Variants in GALNT17 observed in about 807,000 individuals in gnomAD.
GALNT17 encodes the protein UDP-GalNAc:polypeptide N-acetylgalactosaminyltransferase-like 3.
A neutral mutation model predicts 63.7 loss-of-function variants in GALNT17; 29 were observed. The observed-to-expected ratio is 0.46, with a 90% CI of 0.34 to 0.62. The LOEUF (loss-of-function observed/expected upper bound fraction) is 0.62, where lower values mean the gene tolerates loss of function less well. Among genes scored for constraint, GALNT17 ranks in the 20% least tolerant of loss-of-function variants. GALNT17 has a pLI of 0.01. For missense variants in GALNT17, 603 were observed against 799.6 expected (o/e 0.75, Z 2.97); for synonymous variants, 305 against 318.3 (o/e 0.96, Z 0.45).
intron 6 of GALNT17, among the ~76,000 whole-genome samples, chr7:71,611,336 A>G (rs1790121968): frequency 6.6e-6 from 1 of 151,870 alleles, no homozygotes; most frequent in Non-Finnish European, 1.5e-5. Flanking sequence ...CATCCAACTC[A>G]CTGGATTTTA....
chr7:71,452,227 A>T (rs1787275101), intron 5 of GALNT17, among the ~76,000 whole-genome samples: 1 of 151,380 alleles, frequency 6.6e-6, no homozygotes, highest in Non-Finnish European at 1.5e-5. Flanking sequence ...TGGGTGACAG[A>T]GTGAGGCTCT....
intron 1 of GALNT17, among the ~76,000 whole-genome samples, chr7:71,276,711 C>A (rs1448527559): frequency 6.6e-6 from 1 of 152,126 alleles, no homozygotes; most frequent in Non-Finnish European, 1.5e-5. Context: ...ATAAATTACC[C>A]AGTCGGCCGG....
At chr7:71,602,094 C>T (rs900924674) in intron 6 of GALNT17, among the ~76,000 whole-genome samples, 6 of 152,194 alleles carry the variant, frequency 3.9e-5, no homozygotes, top group Admixed American at 2.0e-4. Flanking sequence ...CGACTTCCCC[C>T]GGGGCCTGTC....
chr7:71,158,040 A>G (rs945640214), intron 1 of GALNT17, among the ~76,000 whole-genome samples: 7 of 151,758 alleles, frequency 4.6e-5, no homozygotes, highest in African/African-American at 1.7e-4. Flanking sequence ...ATGAGTACTT[A>G]GGTTGATTCC....
intron 6 of GALNT17, among the ~76,000 whole-genome samples, chr7:71,617,617 TTTGTTTG>T (rs1335343138): frequency 3.8e-4 from 1 of 2,666 alleles, no homozygotes; most frequent in East Asian, 8.1e-3. Context: ...ACTGGCTGCT[TTTGTTTG>T]TTTGTTTGTT....
intron 5 of GALNT17, among the ~76,000 whole-genome samples, chr7:71,454,744 G>A (rs1304814900): frequency 6.6e-6 from 1 of 152,120 alleles, no homozygotes; most frequent in African/African-American, 2.4e-5. Context: ...GTACAAAAAT[G>A]GCAGTGTTAG....
At chr7:71,172,904 CTG>C (rs1349709243) in intron 1 of GALNT17, among the ~76,000 whole-genome samples, 1 of 152,100 alleles carries the variant, frequency 6.6e-6, no homozygotes, top group Non-Finnish European at 1.5e-5. Context: ...AGAAGAGAGA[CTG>C]TGGAAGAACT....
At chr7:71,439,544 C>T (rs1353058868) in intron 5 of GALNT17, among the ~76,000 whole-genome samples, 1 of 152,182 alleles carries the variant, frequency 6.6e-6, no homozygotes, top group Non-Finnish European at 1.5e-5. Flanking sequence ...CTCCATCAAC[C>T]GACATGCACT....
chr7:71,328,646 T>C (rs1456835822), intron 1 of GALNT17, among the ~76,000 whole-genome samples: 1 of 119,050 alleles, frequency 8.4e-6, no homozygotes, highest in Non-Finnish European at 1.8e-5. Context: ...AAAATACCAG[T>C]GATTTTTTTT....
At chr7:71,209,788 C>T (rs1585883430) in intron 1 of GALNT17, among the ~76,000 whole-genome samples, 1 of 152,126 alleles carries the variant, frequency 6.6e-6, no homozygotes, top group African/African-American at 2.4e-5. Flanking sequence ...AACAGTTCCA[C>T]ATATCTGGAG....
chr7:71,252,896 T>A (rs1454119728), intron 1 of GALNT17, among the ~76,000 whole-genome samples: 1 of 152,188 alleles, frequency 6.6e-6, no homozygotes, highest in Non-Finnish European at 1.5e-5. Flanking sequence ...TTCTATTGAG[T>A]TTCACCCTGA....
intron 2 of GALNT17, among the ~76,000 whole-genome samples, chr7:71,366,859 G>A (rs1205362383): frequency 6.6e-6 from 1 of 152,070 alleles, no homozygotes; most frequent in Non-Finnish European, 1.5e-5. Context: ...CAACCTGAAG[G>A]CTAAAAAAAT....
In GALNT17 at chr7:71,619,680, A is replaced by G. The variant is rs182416458; in HGVS notation, c.1081-45731A>G. Among the ~76,000 whole-genome samples the G allele has an allele frequency of 1.1e-3, 163 of 152,336 alleles. 4 individuals are homozygous for G. Among genetic ancestry groups the G allele is most frequent in the Admixed American group, 7.0e-3 (107 of 15,294 alleles). On this transcript the variant is annotated intron_variant, in intron 6 of 10. Transcript: ENST00000333538. Reference sequence around the variant, plus strand: ...TTTACTTAAGTCGTTTATCAACTCAAGGAGCCTTTTGGCAGAGTCTTTAGG... The same window carrying G: ...TTTACTTAAGTCGTTTATCAACTCAGGGAGCCTTTTGGCAGAGTCTTTAGG...
intron 5 of GALNT17, among the ~76,000 whole-genome samples, chr7:71,459,689 T>C (rs184294269): frequency 2.6e-5 from 4 of 152,138 alleles, no homozygotes; most frequent in Admixed American, 2.6e-4. Flanking sequence ...AAGCCATTCA[T>C]TGTGGGGGGG....
At chr7:71,253,130 C>G (rs185244659) in intron 1 of GALNT17, among the ~76,000 whole-genome samples, 1 of 152,184 alleles carries the variant, frequency 6.6e-6, no homozygotes, top group African/African-American at 2.4e-5. Context: ...ATGAATGCAA[C>G]CACGTACCTC....
Position 71,416,148 on chromosome 7 carries a change from C to G in GALNT17, c.764+85C>G, listed in dbSNP as rs1793522644. 3 of 1,452,150 alleles carry G rather than the reference C, an allele frequency of 2.1e-6. No homozygotes were observed. In the South Asian group the frequency reaches 4.3e-5, roughly 21 times the overall value. 90.0% of individuals were successfully genotyped at this position (1,452,150 alleles called of 1,614,324 possible). Reference sequence around the variant, plus strand: ...GGAATCTGGGAGGTGGGACATTTCACCTGTTACCTGTAGTGGCACTGGGAG... The same window carrying G: ...GGAATCTGGGAGGTGGGACATTTCAGCTGTTACCTGTAGTGGCACTGGGAG... On this transcript the variant is annotated intron_variant, in intron 4 of 10. Coordinates refer to ENST00000333538, the MANE Select transcript of GALNT17 (RefSeq NM_022479.3).
chr7:71,487,186 C>T (rs1400207193), intron 5 of GALNT17, among the ~76,000 whole-genome samples: 2 of 152,186 alleles, frequency 1.3e-5, no homozygotes, highest in Admixed American at 1.3e-4. Context: ...ACTCCCTGTA[C>T]CCAAATCTCC....
At chr7:71,577,120 C>T (rs1196918134) in intron 6 of GALNT17, among the ~76,000 whole-genome samples, 2 of 152,136 alleles carry the variant, frequency 1.3e-5, no homozygotes, top group Admixed American at 6.5e-5. Flanking sequence ...AACAGAAAAC[C>T]GAATACCACA....
chr7:71,146,650 A>G (rs1393802687), intron 1 of GALNT17, among the ~76,000 whole-genome samples: 1 of 152,112 alleles, frequency 6.6e-6, no homozygotes, highest in East Asian at 1.9e-4. Flanking sequence ...GAATAAATGC[A>G]GGACTCACAG....
Sources: gnomAD v4.1 joint callset for allele counts (sites outside exome capture counted in the v4.1 genomes callset) on GRCh38, gnomAD v4.1.1 for gene constraint, MANE v1.5 for transcripts, NCBI Gene and HGNC (gene_info 2026-07-23, HGNC 2026-07-21) for gene names.